Variants in CHCHD3 observed in about 807,000 individuals in gnomAD.
CHCHD3 encodes the protein coiled-coil-helix-coiled-coil-helix domain containing 3.
A neutral mutation model predicts 38.2 loss-of-function variants in CHCHD3; 20 were observed. That is an observed-to-expected ratio of 0.52 (90% confidence interval 0.37 to 0.76). The LOEUF is 0.76. Ranked by LOEUF, CHCHD3 falls within the 30% of genes least tolerant of loss-of-function variation. The pLI is 0.00. For synonymous variants in CHCHD3, 82 were observed against 100.0 expected (o/e 0.82, Z 1.07); for missense variants, 245 against 279.2 (o/e 0.88, Z 0.87).
At chr7:132,938,705 C>T (rs1382161948) in intron 4 of CHCHD3, among the ~76,000 whole-genome samples, 1 of 152,194 alleles carries the variant, frequency 6.6e-6, no homozygotes, top group African/African-American at 2.4e-5. Flanking sequence ...CTCCACTGGG[C>T]TCACACTTTA....
At chr7:133,061,245 C>A (rs1814501227) in intron 2 of CHCHD3, among the ~76,000 whole-genome samples, 1 of 151,950 alleles carries the variant, frequency 6.6e-6, no homozygotes, top group South Asian at 2.1e-4. Flanking sequence ...CCGGGGAATG[C>A]AAGACTAAAG....
rs186918159 is a variant in CHCHD3, at chr7:133,027,670, C to T, written c.170-3043G>A. On this transcript the variant is annotated intron_variant, in intron 2 of 7. Transcript: ENST00000262570. ...TATACTATGCTTCTGTTTTGCCTCT[C>T]TCCTACTTCATAGTCTATATAGCAT... 2.0e-4 allele frequency among the ~76,000 whole-genome samples: 31 copies of T among 152,252 alleles called. 1 individual carries two copies. In the East Asian group the frequency reaches 5.8e-3, roughly 28 times the overall value.
chr7:133,066,351 T>A (rs371967961), intron 2 of CHCHD3, among the ~76,000 whole-genome samples: 4 of 151,862 alleles, frequency 2.6e-5, no homozygotes, highest in East Asian at 3.9e-4. Flanking sequence ...GCCTCCCAGG[T>A]TCAATCGATT....
At chr7:132,925,396 T>A (rs1810349834) in intron 4 of CHCHD3, among the ~76,000 whole-genome samples, 1 of 152,164 alleles carries the variant, frequency 6.6e-6, no homozygotes, top group Non-Finnish European at 1.5e-5. Flanking sequence ...TGACAGAAAT[T>A]TCACTACCAC....
chr7:133,032,095 G>C (rs1813520017), intron 2 of CHCHD3, among the ~76,000 whole-genome samples: 2 of 152,096 alleles, frequency 1.3e-5, no homozygotes, highest in African/African-American at 4.8e-5. Context: ...TTGATTGGAA[G>C]AAGAGCCAAA....
chr7:133,062,432 C>CA (rs1014405272), intron 2 of CHCHD3, among the ~76,000 whole-genome samples: 2 of 152,262 alleles, frequency 1.3e-5, no homozygotes, highest in East Asian at 3.9e-4. Flanking sequence ...TTTTATTTCA[C>CA]AAATCTTGAA....
At chr7:132,936,017 T>C (rs1810624830) in intron 4 of CHCHD3, among the ~76,000 whole-genome samples, 2 of 152,144 alleles carry the variant, frequency 1.3e-5, no homozygotes, top group South Asian at 4.2e-4. Flanking sequence ...ATAACAGCAG[T>C]AATCCATTCA....
intron 5 of CHCHD3, among the ~76,000 whole-genome samples, chr7:132,850,953 T>C (rs1401206453): frequency 6.6e-6 from 1 of 152,192 alleles, no homozygotes; most frequent in African/African-American, 2.4e-5. Flanking sequence ...TTCCTTTAAA[T>C]TTCTCTAGCT....
intron 4 of CHCHD3, among the ~76,000 whole-genome samples, chr7:132,889,139 T>TTA (rs1209350138): frequency 2.6e-5 from 4 of 152,070 alleles, no homozygotes; most frequent in Admixed American, 2.6e-4. Flanking sequence ...TATTAAATAA[T>TTA]TATATTAACA....
chr7:132,923,304 G>GT (rs1393676925), intron 4 of CHCHD3, among the ~76,000 whole-genome samples: 1 of 152,106 alleles, frequency 6.6e-6, no homozygotes, highest in East Asian at 1.9e-4. Flanking sequence ...ATGTCTATGT[G>GT]TTTCAGCACA....
rs527741923 is a variant in CHCHD3, at chr7:133,073,686, C to A, written c.82-3457G>T. ...TTAATGAATTCCTCTCTTCTCTCAT[C>A]CCATTTCTCCTGCCCTAATTCCTGT... is the stretch of plus-strand genomic sequence containing the variant. On this transcript the variant is annotated intron_variant, in intron 1 of 7. Transcript: ENST00000262570. Among the ~76,000 whole-genome samples the A allele has an allele frequency of 1.2e-4, 18 of 152,276 alleles. No individual in the cohort carries two copies. The East Asian group carries it at 3.1e-3, about 26-fold the overall frequency.
At chr7:132,997,347 T>G (rs1421322466) in intron 3 of CHCHD3, among the ~76,000 whole-genome samples, 1 of 152,124 alleles carries the variant, frequency 6.6e-6, no homozygotes, top group Non-Finnish European at 1.5e-5. Context: ...TACCTCCCCC[T>G]CATTAAGTTC....
intron 2 of CHCHD3, among the ~76,000 whole-genome samples, chr7:133,048,205 G>A (rs1814052612): frequency 6.6e-6 from 1 of 152,054 alleles, no homozygotes; most frequent in South Asian, 2.1e-4. Flanking sequence ...CATGAGCTGT[G>A]GGGATAAAGT....
chr7:133,058,476 G>T (rs1187504689), intron 2 of CHCHD3, among the ~76,000 whole-genome samples: 1 of 152,176 alleles, frequency 6.6e-6, no homozygotes, highest in Non-Finnish European at 1.5e-5. Flanking sequence ...TTGTTTAAAT[G>T]ATTATAAGGA....
chr7:132,939,306 CT>C (rs1562914745), intron 4 of CHCHD3, among the ~76,000 whole-genome samples: 1 of 152,186 alleles, frequency 6.6e-6, no homozygotes, highest in African/African-American at 2.4e-5. Flanking sequence ...TCATCACTCA[CT>C]GACTTGCCCA....
In CHCHD3 at chr7:132,787,095, TC is replaced by T. The variant is rs558053359; in HGVS notation, c.661-1436del. Reference sequence around the variant, plus strand: ...GAGGGGAGAAAGCGGTGGCCAGGATTCAGCAGGGGAAGAAGCCTAGCACACA... The same window carrying T: ...GAGGGGAGAAAGCGGTGGCCAGGATTAGCAGGGGAAGAAGCCTAGCACACA... On this transcript the variant is annotated intron_variant, in intron 7 of 7. Coordinates refer to ENST00000262570, the MANE Select transcript of CHCHD3 (RefSeq NM_017812.4). 1.6e-3 allele frequency among the ~76,000 whole-genome samples: 237 copies of T among 152,044 alleles called. 2 individuals are homozygous for T. The highest frequency in any genetic ancestry group is 5.5e-3 in the African/African-American group (227 of 41,480).
At position 132,975,654 on chromosome 7, in the gene CHCHD3, G is replaced by A. The variant is rs188105183; in HGVS notation, c.252-368C>T. On this transcript the variant is annotated intron_variant, in intron 3 of 7. Transcript: ENST00000262570. ...AATTAACAAACCATCTAGGCCAGGC[G>A]TGGTGGCAGCTCACACCTGTAATCC... 3.3e-3 allele frequency among the ~76,000 whole-genome samples: 504 copies of A among 152,260 alleles called. 3 individuals carry two copies. The South Asian group carries it at 0.04, about 12-fold the overall frequency.
At chr7:132,892,843 A>T (rs148115319) in intron 4 of CHCHD3, among the ~76,000 whole-genome samples, 2 of 152,254 alleles carry the variant, frequency 1.3e-5, no homozygotes, top group Non-Finnish European at 2.9e-5. Flanking sequence ...GGCGCACAGA[A>T]GTCAAGAATT....
At chr7:132,892,884 A>G (rs1481701021) in intron 4 of CHCHD3, among the ~76,000 whole-genome samples, 5 of 152,208 alleles carry the variant, frequency 3.3e-5, no homozygotes, top group Non-Finnish European at 2.9e-5. Flanking sequence ...TAGATTTCAG[A>G]GGATGTATGG....
Sources: gnomAD v4.1 joint callset for allele counts (sites outside exome capture counted in the v4.1 genomes callset) on GRCh38, gnomAD v4.1.1 for gene constraint, MANE v1.5 for transcripts, NCBI Gene and HGNC (gene_info 2026-07-23, HGNC 2026-07-21) for gene names.